GRID1: variants seen among roughly 807,000 people sequenced by gnomAD.
GRID1 encodes glutamate ionotropic receptor delta type subunit 1.
A neutral mutation model predicts 98.0 loss-of-function variants in GRID1; 28 were observed. That is an observed-to-expected ratio of 0.29 (90% CI 0.21 to 0.39). The LOEUF is 0.39. Ranked by LOEUF, GRID1 falls within the 10% of genes least tolerant of loss-of-function variation. The pLI, the probability that GRID1 is intolerant of heterozygous loss-of-function variation, is 1.00. For missense variants in GRID1, 1,111 were observed against 1,340.5 expected (o/e 0.83, Z 2.67); for synonymous variants, 553 against 538.5 (o/e 1.03, Z -0.37).
At chr10:86,028,576 T>C (rs77042006) in intron 4 of GRID1, among the ~76,000 whole-genome samples, 6,536 of 152,280 alleles carry the variant, frequency 0.043, 415 homozygotes, top group African/African-American at 0.14. Context: ...TCACATGGAA[T>C]AGCTGGGCTC....
chr10:86,185,315 T>A (rs1214591334), intron 3 of GRID1, among the ~76,000 whole-genome samples: 1 of 152,218 alleles, frequency 6.6e-6, no homozygotes, highest in Admixed American at 6.5e-5. Flanking sequence ...TGGATTTTTG[T>A]ATATTTTTTA....
chr10:86,292,769 G>A (rs530758894), intron 2 of GRID1, among the ~76,000 whole-genome samples: 3 of 151,928 alleles, frequency 2.0e-5, no homozygotes, highest in South Asian at 2.1e-4. Context: ...TGAGTGTGAC[G>A]GTGTCTGTGG....
chr10:85,877,723 T>G (rs1387701739), intron 5 of GRID1, among the ~76,000 whole-genome samples: 1 of 152,032 alleles, frequency 6.6e-6, no homozygotes, highest in Non-Finnish European at 1.5e-5. Context: ...CCTCTCCTCC[T>G]CCAAAGGAAC....
At chr10:85,929,374 C>G (rs933074996) in intron 4 of GRID1, among the ~76,000 whole-genome samples, 1 of 152,188 alleles carries the variant, frequency 6.6e-6, no homozygotes, top group Non-Finnish European at 1.5e-5. Context: ...ACCTCAGCAA[C>G]ATCTGTTCCA....
Position 85,916,751 on chromosome 10 carries a change from C to G in GRID1, c.727-512G>C, listed in dbSNP as rs1007077456. ...GTTCTTTAGGATCCATAGAACAAAG[C>G]TCTTTGTAGCTCCTGGGCCGTAGCC... is the stretch of plus-strand genomic sequence containing the variant. On this transcript the variant is annotated intron_variant, in intron 4 of 15. Transcript: ENST00000327946. This position sits in a 1 kb window ranked among gnomAD's most constrained non-coding sequence, Gnocchi z 4.0. 3.9e-5 allele frequency among the ~76,000 whole-genome samples: 6 copies of G among 152,186 alleles called. No individual in the cohort carries two copies. Among genetic ancestry groups the G allele is most frequent in the Admixed American group, 3.9e-4 (6 of 15,284 alleles).
chr10:86,206,577 G>A lies in GRID1; in HGVS notation c.307C>T (p.Gln103Ter), dbSNP rs758685561. The A allele has an allele frequency of 6.2e-7, 1 of 1,614,174 alleles. No individual in the cohort carries two copies. Among genetic ancestry groups the A allele is most frequent in the Non-Finnish European group, 8.5e-7 (1 of 1,180,000 alleles). ...ATGTGCATGGCATCCGTGAGGGACT[G>A]CAGGGCATTGGCAGATGCACAGCCA... ...STGCASANAL[Q>*]SLTDAMHIPH... Residue 103 changes from glutamine (Q) to a stop codon, truncating the protein, a stop_gained, in exon 3 of 16, where the codon CAG becomes TAG. Transcript: ENST00000327946. LOFTEE classifies it high-confidence loss of function. The surrounding 1 kb of genome is among the most constrained non-coding windows in gnomAD (Gnocchi z 4.1).
chr10:86,150,123 C>T (rs1226327584), intron 3 of GRID1, among the ~76,000 whole-genome samples: 1 of 152,182 alleles, frequency 6.6e-6, no homozygotes. Flanking sequence ...TGCTTTGATG[C>T]CATTTTTTCA....
chr10:86,243,264 C>T (rs1210974692), intron 2 of GRID1, among the ~76,000 whole-genome samples: 1 of 152,158 alleles, frequency 6.6e-6, no homozygotes, highest in Admixed American at 6.5e-5. Context: ...CTCTGCAGAC[C>T]CGTGCTCAAT....
chr10:85,620,104 CT>C (rs1251516977), intron 13 of GRID1, 71 bp from the exon 14 acceptor site: 13 of 1,332,444 alleles, frequency 9.8e-6, no homozygotes, highest in Non-Finnish European at 1.1e-6. Flanking sequence ...GGTGAGCCAT[CT>C]TGATGGTGGG....
In GRID1 at chr10:86,173,873, A is replaced by G. The variant is rs532239849; in HGVS notation, c.520+32491T>C. ...AGTTTACTGAGAATGATGATTTCCAATTTCATCCATGTCCCTACAAAGGAC... is the reference window on the plus strand; with the variant it reads ...AGTTTACTGAGAATGATGATTTCCAGTTTCATCCATGTCCCTACAAAGGAC... On this transcript the variant is annotated intron_variant, in intron 3 of 15. Coordinates refer to ENST00000327946, the MANE Select transcript of GRID1 (RefSeq NM_017551.3). Among the ~76,000 whole-genome samples, 258 of 151,620 alleles carry G rather than the reference A, an allele frequency of 1.7e-3. 1 individual carries two copies. Among genetic ancestry groups the G allele is most frequent in the African/African-American group, 5.8e-3 (239 of 41,276 alleles).
rs143601930 is a variant in GRID1, at chr10:85,978,994, G to T, written c.727-62755C>A. 2.8e-3 allele frequency among the ~76,000 whole-genome samples: 420 copies of T among 152,228 alleles called. 1 individual carries two copies. Among genetic ancestry groups the T allele is most frequent in the African/African-American group, 9.5e-3 (396 of 41,524 alleles). On this transcript the variant is annotated intron_variant, in intron 4 of 15. Transcript: ENST00000327946. ...ACAGCCCCATTCTCTGACTCTGCAT[G>T]ACTTGTTTCTTCTTGTAGGACCCTT...
chr10:86,008,373 C>CA lies in GRID1; in HGVS notation c.727-92135dup, dbSNP rs573944306. Among the ~76,000 whole-genome samples, 72 of 148,146 alleles carry CA rather than the reference C, an allele frequency of 4.9e-4. 1 individual carries two copies. Among genetic ancestry groups the CA allele is most frequent in the Admixed American group, 3.9e-3 (59 of 14,982 alleles). ...AAGCCCCAGGATTTCTTAAACAAAC[C>CA]AAAAAAAAACTGTATAGAATAAATA... On this transcript the variant is annotated intron_variant, in intron 4 of 15. Coordinates refer to ENST00000327946, the MANE Select transcript of GRID1 (RefSeq NM_017551.3).
intron 2 of GRID1, among the ~76,000 whole-genome samples, chr10:86,320,804 A>G (rs562700312): frequency 8.2e-4 from 125 of 152,290 alleles, no homozygotes; most frequent in Middle Eastern, 3.4e-3. Context: ...TTATTATAGT[A>G]AAATGTCGGA....
intron 4 of GRID1, among the ~76,000 whole-genome samples, chr10:86,071,373 C>T (rs1843801596): frequency 6.6e-6 from 1 of 152,196 alleles, no homozygotes; most frequent in African/African-American, 2.4e-5. Flanking sequence ...CTGGCTCTGC[C>T]TTTCATGTTA....
chr10:85,736,230 GAGA>G (rs1374459856), intron 8 of GRID1, among the ~76,000 whole-genome samples: 15 of 132,210 alleles, frequency 1.1e-4, no homozygotes, highest in Non-Finnish European at 2.2e-4. Context: ...GAAGGAAGGA[GAGA>G]AGGAGGGAAG....
intron 10 of GRID1, among the ~76,000 whole-genome samples, chr10:85,725,989 G>A (rs558659008): frequency 4.0e-4 from 61 of 152,272 alleles, no homozygotes; most frequent in Middle Eastern, 3.4e-3. Context: ...GAGCAGGATA[G>A]GCTTACAAGA....
In GRID1 at chr10:85,734,736, T is replaced by C. The variant is rs1394764268; in HGVS notation, c.1234-5122A>G. Among the ~76,000 whole-genome samples the C allele has an allele frequency of 3.9e-5, 6 of 152,202 alleles. No individual in the cohort carries two copies. The South Asian group carries it at 1.2e-3, about 32-fold the overall frequency. ...ATCTCCCCATTTCCACAAAACTGTG[T>C]GATCTTGCCCAAATCTTAAGACAAG... is the stretch of plus-strand genomic sequence containing the variant. On this transcript the variant is annotated intron_variant, in intron 8 of 15. Coordinates refer to ENST00000327946, the MANE Select transcript of GRID1 (RefSeq NM_017551.3).
intron 8 of GRID1, among the ~76,000 whole-genome samples, chr10:85,786,810 G>A (rs757053831): frequency 9.8e-5 from 15 of 152,338 alleles, no homozygotes; most frequent in Admixed American, 4.6e-4. Context: ...AACCTGCTGC[G>A]AGTGTTGGGT....
At chr10:85,891,534 A>G (rs1450185859) in intron 5 of GRID1, among the ~76,000 whole-genome samples, 1 of 152,204 alleles carries the variant, frequency 6.6e-6, no homozygotes, top group African/African-American at 2.4e-5. Context: ...CAAACAAAAT[A>G]TATGCAACAA....
Sources: gnomAD v4.1 joint callset for allele counts (sites outside exome capture counted in the v4.1 genomes callset) on GRCh38, gnomAD v4.1.1 for gene constraint, Gnocchi (gnomAD v3.1) non-coding constraint, MANE v1.5 for transcripts, NCBI Gene and HGNC (gene_info 2026-07-23, HGNC 2026-07-21) for gene names.